Variants in LTV1 observed in about 807,000 individuals in gnomAD.
LTV1 encodes LTV1 ribosome biogenesis factor.
LTV1 carries 39 observed loss-of-function variants against 59.9 expected under a neutral mutation model. The observed-to-expected ratio is 0.65, with a 90% CI of 0.50 to 0.85. LTV1 has a LOEUF of 0.85. Among genes scored for constraint, LTV1 ranks in the 40% least tolerant of loss-of-function variants. The probability of loss-of-function intolerance (pLI) is 0.00; values close to 1 mark genes in which losing one functional copy is unlikely to be tolerated. For missense variants in LTV1, 493 were observed against 549.1 expected (o/e 0.90, Z 1.02); for synonymous variants, 171 against 189.5 (o/e 0.90, Z 0.80).
chr6:143,858,295 G>A, intron 6 of LTV1: 1 of 304,808 alleles, frequency 3.3e-6, no homozygotes, highest in South Asian at 5.1e-5. Flanking sequence ...ACACCAGGAG[G>A]TGGCTCAAAT....
intron 3 of LTV1, among the ~76,000 whole-genome samples, chr6:143,848,641 G>A (rs181902811): frequency 1.3e-5 from 2 of 152,308 alleles, no homozygotes; most frequent in East Asian, 3.9e-4. Context: ...GTTATGAACT[G>A]TTTGGTCAAG....
At chr6:143,860,872 T>C (rs775064580) in intron 7 of LTV1, among the ~76,000 whole-genome samples, 8 of 151,970 alleles carry the variant, frequency 5.3e-5, no homozygotes, top group Non-Finnish European at 7.4e-5. Flanking sequence ...AGAAGAGTCA[T>C]GGTAGAATGT....
intron 7 of LTV1, among the ~76,000 whole-genome samples, chr6:143,861,541 C>G (rs1220483015): frequency 6.6e-6 from 1 of 151,818 alleles, no homozygotes; most frequent in African/African-American, 2.4e-5. Context: ...TTTCATCTTT[C>G]TGAAATGCCA....
chr6:143,846,730 A>C (rs1327428278), intron 3 of LTV1, among the ~76,000 whole-genome samples: 1 of 152,214 alleles, frequency 6.6e-6, no homozygotes, highest in Non-Finnish European at 1.5e-5. Flanking sequence ...AAATGATAGT[A>C]CGTGTTTATA....
chr6:143,848,604 T>C (rs1416773438), intron 3 of LTV1, among the ~76,000 whole-genome samples: 1 of 152,130 alleles, frequency 6.6e-6, no homozygotes, highest in Non-Finnish European at 1.5e-5. Flanking sequence ...TGCACAGAGA[T>C]AAATAACACA....
chr6:143,860,648 AAATT>A, intron 7 of LTV1, 95 bp downstream of exon 7: 2 of 1,058,920 alleles, frequency 1.9e-6, no homozygotes, highest in Non-Finnish European at 2.6e-6. Context: ...ATTGAGGAAA[AAATT>A]AACCTAGTCA....
chr6:143,863,618 A>AT lies in LTV1; in HGVS notation c.*96dup, dbSNP rs1479560606. ...CTTCAGAAAGACAAAACTGTTTGCCATTTTTACTGGCAGATAAGAGGAAAA... is the reference window on the plus strand; with the variant it reads ...CTTCAGAAAGACAAAACTGTTTGCCATTTTTTACTGGCAGATAAGAGGAAAA... On this transcript the variant is annotated 3_prime_UTR_variant, in exon 11 of 11. Coordinates refer to ENST00000367576, the MANE Select transcript of LTV1 (RefSeq NM_032860.5). This position sits in a 1 kb window ranked among gnomAD's most constrained non-coding sequence, Gnocchi z 4.5. The AT allele has an allele frequency of 2.7e-6, 2 of 750,650 alleles. No homozygotes were observed. Among genetic ancestry groups the AT allele is most frequent in the Non-Finnish European group, 4.3e-6 (2 of 463,292 alleles). The allele number at this position is 750,650 out of a possible 1,614,324, so 46.5% of individuals were successfully genotyped here.
In LTV1 at chr6:143,843,378, G is replaced by A. The variant is rs1207182891; in HGVS notation, c.-100G>A. 2 of 1,428,242 alleles carry A rather than the reference G, an allele frequency of 1.4e-6. No homozygotes were observed. The highest frequency in any genetic ancestry group is 2.0e-6 in the Non-Finnish European group (2 of 1,018,012). 88.5% of individuals were successfully genotyped at this position (1,428,242 alleles called of 1,614,324 possible). Reference sequence around the variant, plus strand: ...GGTCCTGGGGCTGCACGTGTGGTGAGGCCTACAGAAGCGGCCTTCAGCTGG... The same window carrying A: ...GGTCCTGGGGCTGCACGTGTGGTGAAGCCTACAGAAGCGGCCTTCAGCTGG... On this transcript the variant is annotated 5_prime_UTR_variant, in exon 1 of 11. Transcript: ENST00000367576.
At position 143,855,116 on chromosome 6, in the gene LTV1, GAA is replaced by G. The variant is rs1476577369; in HGVS notation, c.398-2186_398-2185del. Among the ~76,000 whole-genome samples, 1 of 152,168 alleles carries G rather than the reference GAA, an allele frequency of 6.6e-6. No homozygotes were observed. The highest frequency in any genetic ancestry group is 1.5e-5 in the Non-Finnish European group (1 of 68,012). On this transcript the variant is annotated intron_variant, in intron 4 of 10. Transcript: ENST00000367576. The surrounding 1 kb of genome is among the most constrained non-coding windows in gnomAD (Gnocchi z 4.6). ...GTAGGTCTCTTAGAACTTGCTTTAT[GAA>G]TCTGGGTGCTCCTGTATTAGGTGCA...
intron 4 of LTV1, among the ~76,000 whole-genome samples, chr6:143,854,967 T>C (rs1777048267): frequency 6.6e-6 from 1 of 152,168 alleles, no homozygotes; most frequent in Non-Finnish European, 1.5e-5. Flanking sequence ...TAGGTCTGCT[T>C]GGTCCAGGGC....
At position 143,863,535 on chromosome 6, in the gene LTV1, A is replaced by C; in HGVS notation, c.*8A>C. The C allele has an allele frequency of 1.3e-6, 2 of 1,598,312 alleles. No homozygotes were observed. Among genetic ancestry groups the C allele is most frequent in the Non-Finnish European group, 1.7e-6 (2 of 1,167,226 alleles). ...GAGGGTCTAAAGCTATAGACAGTGG[A>C]GCATACAGGGCAAGGCACTTTATTA... is the stretch of plus-strand genomic sequence containing the variant. On this transcript the variant is annotated 3_prime_UTR_variant, in exon 11 of 11. Coordinates refer to ENST00000367576, the MANE Select transcript of LTV1 (RefSeq NM_032860.5). This position sits in a 1 kb window ranked among gnomAD's most constrained non-coding sequence, Gnocchi z 4.5.
rs750490101 is a variant in LTV1, at chr6:143,844,612, C to A, written c.130C>A (p.Gln44Lys). ...ACCCCAGAGGGTTCTATTGCCCACA[C>A]AAAAAGTAGGTCCTGTTCTTTAGCC... The part of the protein sequence containing the change: ...SAPQRVLLPT[Q>K]KIDNEERRAE... Residue 44 changes from glutamine to lysine, a missense_variant, in exon 2 of 11, where the codon CAA becomes AAA. By Grantham distance (53) the Gln-to-Lys change is moderately conservative. Coordinates refer to ENST00000367576, the MANE Select transcript of LTV1 (RefSeq NM_032860.5). 1 of 1,610,840 alleles carries A rather than the reference C, an allele frequency of 6.2e-7. No individual in the cohort carries two copies. The highest frequency in any genetic ancestry group is 1.1e-5 in the South Asian group (1 of 90,778).
intron 4 of LTV1, among the ~76,000 whole-genome samples, chr6:143,851,617 G>A (rs1307721743): frequency 6.6e-6 from 1 of 151,288 alleles, no homozygotes; most frequent in African/African-American, 2.4e-5. Flanking sequence ...GGATATATAT[G>A]CAGAATGTGC....
At position 143,857,429 on chromosome 6, in the gene LTV1, A is replaced by G. The variant is rs1235296995; in HGVS notation, c.524A>G (p.Glu175Gly). 15 of 1,613,798 alleles carry G rather than the reference A, an allele frequency of 9.3e-6. No homozygotes were observed. The South Asian group carries it at 1.5e-4, about 17-fold the overall frequency. Residue 175 changes from glutamate (E) to glycine (G), a missense_variant, in exon 5 of 11, where the codon GAG becomes GGG. Transcript: ENST00000367576. This position sits in a 1 kb window ranked among gnomAD's most constrained non-coding sequence, Gnocchi z 5.2. ...LQANKATGEE[E>G]GMDIQKSENE... Reference sequence around the variant, plus strand: ...GCCAATAAGGCAACAGGAGAGGAAGAGGGAATGGATATACAGTATGTGTGG... The same window carrying G: ...GCCAATAAGGCAACAGGAGAGGAAGGGGGAATGGATATACAGTATGTGTGG...
intron 3 of LTV1, among the ~76,000 whole-genome samples, chr6:143,846,844 A>G (rs147451130): frequency 6.6e-6 from 1 of 152,326 alleles, no homozygotes; most frequent in African/African-American, 2.4e-5. Flanking sequence ...GATGTAGAGT[A>G]AATTTTCCTG....
rs1177633326 is a variant in LTV1 at position 143,863,744 on chromosome 6, T to C, written c.*217T>C. On this transcript the variant is annotated 3_prime_UTR_variant, in exon 11 of 11. Transcript: ENST00000367576. The surrounding 1 kb of genome is among the most constrained non-coding windows in gnomAD (Gnocchi z 4.5). ...TTTAATATTATAAGCTTACATTTGC[T>C]CTGAAGTAAATGACTTCATGAATGT... 7.9e-6 allele frequency: 3 copies of C among 378,026 alleles called. No individual in the cohort carries two copies. Among genetic ancestry groups the C allele is most frequent in the Non-Finnish European group, 1.4e-5 (3 of 209,384 alleles). 23.4% of individuals were successfully genotyped at this position (378,026 alleles called of 1,614,324 possible).
chr6:143,850,264 C>T, intron 4 of LTV1, 46 bp downstream of exon 4: 1 of 1,440,550 alleles, frequency 6.9e-7, no homozygotes. Context: ...ATGTATTTTG[C>T]AAAACATAAA....
chr6:143,847,657 G>A (rs188378944), intron 3 of LTV1, among the ~76,000 whole-genome samples: 3 of 152,278 alleles, frequency 2.0e-5, no homozygotes, highest in South Asian at 2.1e-4. Context: ...CACCGCGCCC[G>A]GTCGTATAAG....
intron 6 of LTV1, among the ~76,000 whole-genome samples, chr6:143,859,462 A>G (rs910157733): frequency 2.0e-5 from 3 of 152,242 alleles, no homozygotes; most frequent in Non-Finnish European, 2.9e-5. Context: ...GATACATCCA[A>G]AAGCCTAAAA....
Sources: gnomAD v4.1 joint callset for allele counts (sites outside exome capture counted in the v4.1 genomes callset) on GRCh38, gnomAD v4.1.1 for gene constraint, Gnocchi (gnomAD v3.1) non-coding constraint, MANE v1.5 for transcripts, NCBI Gene and HGNC (gene_info 2026-07-23, HGNC 2026-07-21) for gene names.